The following PACS2 variants were observed in gnomAD, a reference collection of about 807,000 sequenced individuals.
The protein encoded by PACS2 is PACS1-like protein.
Under a neutral mutation model 113.0 loss-of-function variants are expected in PACS2, and 36 were observed. The ratio of observed to expected loss-of-function variants is 0.32; its 90% confidence interval spans 0.24 to 0.42. PACS2 has a LOEUF of 0.42. Among genes scored for constraint, PACS2 ranks in the 10% least tolerant of loss-of-function variants. The probability of loss-of-function intolerance (pLI) is 1.00; values close to 1 mark genes in which losing one functional copy is unlikely to be tolerated. For missense variants in PACS2, 1,015 were observed against 1,239.5 expected (o/e 0.82, Z 2.72); for synonymous variants, 589 against 536.1 (o/e 1.10, Z -1.36).
intron 3 of PACS2, among the ~76,000 whole-genome samples, chr14:105,353,739 ATGT>A: frequency 6.6e-6 from 1 of 151,690 alleles, no homozygotes; most frequent in Non-Finnish European, 1.5e-5. Context: ...GATTACAGGC[ATGT>A]GCCACCACGC....
rs2060438638 is a variant in PACS2, at chr14:105,356,186, A to C, written c.423+1009A>C. On this transcript the variant is annotated intron_variant, in intron 4 of 24. Coordinates refer to ENST00000447393, the MANE Select transcript of PACS2 (RefSeq NM_001100913.3). The surrounding 1 kb of genome is among the most constrained non-coding windows in gnomAD (Gnocchi z 4.0). Reference sequence around the variant, plus strand: ...CCCCACACCCCCAGGCCCAGCCTGCAGGCCTCCTGTCTCCCAGGTCAAGCG... The same window carrying C: ...CCCCACACCCCCAGGCCCAGCCTGCCGGCCTCCTGTCTCCCAGGTCAAGCG... Among the ~76,000 whole-genome samples the C allele has an allele frequency of 6.6e-6, 1 of 152,008 alleles. No homozygotes were observed. The highest frequency in any genetic ancestry group is 2.4e-5 in the African/African-American group (1 of 41,380).
At chr14:105,379,929 C>T in intron 10 of PACS2, 100 bp downstream of exon 10, 3 of 1,378,334 alleles carry the variant, frequency 2.2e-6, no homozygotes, top group Non-Finnish European at 3.1e-6. Flanking sequence ...GGGCCCTGTC[C>T]AGCTGTCCTG....
chr14:105,328,276 G>A (rs1405207193), intron 1 of PACS2, among the ~76,000 whole-genome samples: 6 of 152,236 alleles, frequency 3.9e-5, no homozygotes, highest in Non-Finnish European at 8.8e-5. Flanking sequence ...GGAGGAGGCA[G>A]CTGTCCAGGG....
intron 4 of PACS2, among the ~76,000 whole-genome samples, chr14:105,359,156 G>A (rs2060573445): frequency 6.6e-6 from 1 of 152,142 alleles, no homozygotes; most frequent in African/African-American, 2.4e-5. Flanking sequence ...CTACGCGGCG[G>A]TGCGTGGTGA....
rs1041043029 is a variant in PACS2 at position 105,314,847 on chromosome 14, CCGGCCCGCCCGCCGCGCGTCCG to C, written c.-64_-43del. On this transcript the variant is annotated 5_prime_UTR_variant, in exon 1 of 25. Coordinates refer to ENST00000447393, the MANE Select transcript of PACS2 (RefSeq NM_001100913.3). The stretch of plus-strand genomic sequence containing the variant: ...GACCGCGCCGCCGCCCTCCGCGCGC[CCGGCCCGCCCGCCGCGCGTCCG>C]CGGCCCGGCCGCAGCCCCAGGCCGC... The C allele has an allele frequency of 3.3e-5, 22 of 662,016 alleles. No homozygotes were observed. The highest frequency in any genetic ancestry group is 7.8e-4 in the Middle Eastern group (1 of 1,286). 41.0% of individuals were successfully genotyped at this position (662,016 alleles called of 1,614,324 possible).
At chr14:105,301,935 G>A (rs1373965530) in intron 1 of PACS2, among the ~76,000 whole-genome samples, 1 of 152,150 alleles carries the variant, frequency 6.6e-6, no homozygotes, top group Non-Finnish European at 1.5e-5. Flanking sequence ...TGAGGAGTTC[G>A]AGACCAGCCT....
Position 105,384,402 on chromosome 14 carries a change from C to T in PACS2, c.1830C>T (p.Asn610=), listed in dbSNP as rs2081100694. The T allele has an allele frequency of 6.2e-7, 1 of 1,612,458 alleles. No individual in the cohort carries two copies. The highest frequency in any genetic ancestry group is 1.3e-5 in the African/African-American group (1 of 74,950). Residue 610 remains asparagine (N), a synonymous_variant, in exon 17 of 25, where the codon AAC becomes AAT. Transcript: ENST00000447393. ...TAGGCTCCGTGGACTACCGCTACAA[C>T]AACTTCTTCCAGGACCTGGCCTGGA... is the stretch of plus-strand genomic sequence containing the variant. ...RYLGSVDYRY[N]NFFQDLAWRD...
At chr14:105,381,143 C>A in intron 12 of PACS2, 44 bp downstream of exon 12, 1 of 1,520,486 alleles carries the variant, frequency 6.6e-7, no homozygotes, top group South Asian at 1.2e-5. Context: ...ATGCACCTGT[C>A]GGGGGAGGGG....
chr14:105,355,077 G>C lies in PACS2; in HGVS notation c.323G>C (p.Gly108Ala). 6.2e-7 allele frequency: 1 copy of C among 1,613,554 alleles called. No homozygotes were observed. The highest frequency in any genetic ancestry group is 8.5e-7 in the Non-Finnish European group (1 of 1,179,894). Residue 108 changes from glycine (G) to alanine (A), a missense_variant, in exon 4 of 25, where the codon GGC becomes GCC. Physicochemically the swap from Gly to Ala is moderately conservative, Grantham distance 60. Transcript: ENST00000447393. The surrounding 1 kb of genome is among the most constrained non-coding windows in gnomAD (Gnocchi z 4.1). ...LQYPHFLKRE[G>A]NKLQIMLQRR... is the part of the protein sequence containing the mutation. ...TATCCTCACTTCTTGAAGAGGGAAG[G>C]CAACAAGCTTCAGATCATGCTGCAG...
rs782358719 is a variant in PACS2 at position 105,391,621 on chromosome 14, C to T, written c.2120-10C>T. The T allele has an allele frequency of 1.9e-6, 3 of 1,607,312 alleles. No homozygotes were observed. Among genetic ancestry groups the T allele is most frequent in the Non-Finnish European group, 1.7e-6 (2 of 1,179,174 alleles). On this transcript the variant is annotated splice_polypyrimidine_tract_variant and intron_variant, in intron 21 of 24. Transcript: ENST00000447393. ...GTGGGCTCAGCCTGCCCTGTGACTC[C>T]TCCCCAAAGGCGACTCGGACGACGC... is the stretch of plus-strand genomic sequence containing the variant.
intron 1 of PACS2, among the ~76,000 whole-genome samples, chr14:105,335,068 G>T (rs1279386646): frequency 1.3e-5 from 2 of 152,258 alleles, no homozygotes; most frequent in African/African-American, 2.4e-5. Flanking sequence ...AGGCCCAGCA[G>T]GTCTGAGGAC....
chr14:105,397,814 G>C lies in PACS2; in HGVS notation c.*3142G>C, dbSNP rs1462331868. On this transcript the variant is annotated 3_prime_UTR_variant, in exon 25 of 25. Coordinates refer to ENST00000447393, the MANE Select transcript of PACS2 (RefSeq NM_001100913.3). ...ATGAATTCCTCATGAAAATGACCAG[G>C]CCACTTCTTCCGAGGGCCAGGCCGC... 3 of 152,264 alleles carry C rather than the reference G, an allele frequency of 2.0e-5. No homozygotes were observed. The highest frequency in any genetic ancestry group is 7.2e-5 in the African/African-American group (3 of 41,442). The allele number at this position is 152,264 out of a possible 1,614,324, so 9.4% of individuals were successfully genotyped here. A position where few individuals can be genotyped will look rare whatever the true frequency, so the allele number is the denominator to read the frequency against.
intron 3 of PACS2, among the ~76,000 whole-genome samples, chr14:105,353,396 TG>T (rs1339289513): frequency 1.6e-5 from 2 of 125,222 alleles, no homozygotes; most frequent in East Asian, 5.3e-4. Flanking sequence ...CACTGTCCCC[TG>T]GGGTGACGGC....
intron 7 of PACS2, 114 bp downstream of exon 7, chr14:105,368,653 C>A: frequency 1.3e-6 from 1 of 795,608 alleles, no homozygotes; most frequent in Non-Finnish European, 2.2e-6. Context: ...CCCCAGGTCA[C>A]AGCAGCATGT....
intron 1 of PACS2, among the ~76,000 whole-genome samples, chr14:105,345,273 G>A (rs1251485312): frequency 4.6e-5 from 7 of 150,620 alleles, no homozygotes; most frequent in African/African-American, 1.7e-4. Flanking sequence ...TGGGTGTGAT[G>A]TCGGGCGCCT....
chr14:105,337,825 CA>C (rs772233496), intron 1 of PACS2, among the ~76,000 whole-genome samples: 103 of 152,324 alleles, frequency 6.8e-4, no homozygotes, highest in Non-Finnish European at 9.0e-4. Flanking sequence ...AGTCCTAGCT[CA>C]GGCTTCCAGA....
rs587748759 is a variant in PACS2, at chr14:105,356,264, C to G, written c.423+1087C>G. Among the ~76,000 whole-genome samples, 1 of 152,294 alleles carries G rather than the reference C, an allele frequency of 6.6e-6. No individual in the cohort carries two copies. Among genetic ancestry groups the G allele is most frequent in the African/African-American group, 2.4e-5 (1 of 41,562 alleles). ...CCACTTACGCATCCAGGACAAGTGCCAAGTACTACTCTGGGCTCAGCCCTC... is the reference window on the plus strand; with the variant it reads ...CCACTTACGCATCCAGGACAAGTGCGAAGTACTACTCTGGGCTCAGCCCTC... On this transcript the variant is annotated intron_variant, in intron 4 of 24. Coordinates refer to ENST00000447393, the MANE Select transcript of PACS2 (RefSeq NM_001100913.3). This position sits in a 1 kb window ranked among gnomAD's most constrained non-coding sequence, Gnocchi z 4.0.
chr14:105,314,114 C>A (rs1361708055), upstream of PACS2, among the ~76,000 whole-genome samples: 1 of 152,210 alleles, frequency 6.6e-6, no homozygotes, highest in Non-Finnish European at 1.5e-5. Context: ...GGCTTCGAGT[C>A]CCCGCGACCG....
intron 14 of PACS2, 80 bp from the exon 15 acceptor site, chr14:105,382,725 CCT>C (rs1555412374): frequency 1.0e-6 from 1 of 987,074 alleles, no homozygotes; most frequent in African/African-American, 1.6e-5. Context: ...CTCTGGAGCC[CCT>C]GAGAGCTTTG....
Sources: gnomAD v4.1 joint callset for allele counts (sites outside exome capture counted in the v4.1 genomes callset) on GRCh38, gnomAD v4.1.1 for gene constraint, Gnocchi (gnomAD v3.1) non-coding constraint, MANE v1.5 for transcripts, NCBI Gene and HGNC (gene_info 2026-07-23, HGNC 2026-07-21) for gene names.